Variants in MAST4 observed in about 807,000 individuals in gnomAD.
The protein encoded by MAST4 is microtubule associated serine/threonine kinase family member 4.
Under a neutral mutation model 162.7 loss-of-function variants are expected in MAST4, and 89 were observed. The observed-to-expected ratio is 0.55, with a 90% confidence interval of 0.46 to 0.65. MAST4 has a LOEUF of 0.65. Ranked by LOEUF, MAST4 falls within the 30% of genes least tolerant of loss-of-function variation. The pLI, the probability that MAST4 is intolerant of heterozygous loss-of-function variation, is 0.00. For missense variants in MAST4, 3,153 were observed against 3,374.0 expected (o/e 0.93, Z 1.62); for synonymous variants, 1,479 against 1,361.1 (o/e 1.09, Z -1.91).
intron 5 of MAST4, among the ~76,000 whole-genome samples, chr5:67,057,603 AAAG>A (rs796299222): frequency 2.7e-5 from 4 of 149,858 alleles, no homozygotes; most frequent in Non-Finnish European, 5.9e-5. Flanking sequence ...AAAAAAAAAA[AAAG>A]AAGGAAAGAA....
At chr5:66,994,111 A>T (rs1043362710) in intron 4 of MAST4, among the ~76,000 whole-genome samples, 2 of 152,164 alleles carry the variant, frequency 1.3e-5, no homozygotes, top group African/African-American at 4.8e-5. Context: ...GAATGGTTTC[A>T]CATTGACAGT....
intron 3 of MAST4, among the ~76,000 whole-genome samples, chr5:66,858,246 C>T (rs1441969552): frequency 2.8e-4 from 43 of 152,180 alleles, no homozygotes; most frequent in Admixed American, 2.7e-3. Flanking sequence ...CTCAAGTGAT[C>T]CTCCCGCCTC....
At chr5:66,929,355 G>A (rs960333823) in intron 4 of MAST4, among the ~76,000 whole-genome samples, 4 of 152,040 alleles carry the variant, frequency 2.6e-5, no homozygotes, top group South Asian at 2.1e-4. Context: ...TTCTGTCTGG[G>A]CCACCATCTG....
intron 1 of MAST4, among the ~76,000 whole-genome samples, chr5:66,729,059 C>T (rs943702457): frequency 1.3e-5 from 2 of 152,058 alleles, no homozygotes; most frequent in East Asian, 1.9e-4. Context: ...AGCAAAACCA[C>T]GTAATAGTGA....
At chr5:66,870,544 T>G (rs1760852612) in intron 3 of MAST4, among the ~76,000 whole-genome samples, 1 of 152,242 alleles carries the variant, frequency 6.6e-6, no homozygotes, top group Non-Finnish European at 1.5e-5. Flanking sequence ...TGTTTGTGAC[T>G]TTATTACACA....
At chr5:67,088,118 A>G (rs1182880955) in intron 5 of MAST4, among the ~76,000 whole-genome samples, 1 of 152,204 alleles carries the variant, frequency 6.6e-6, no homozygotes, top group Non-Finnish European at 1.5e-5. Context: ...AATATCCCTA[A>G]AAGTGAAAAG....
At chr5:67,089,651 T>G (rs1763618730) in intron 5 of MAST4, among the ~76,000 whole-genome samples, 1 of 152,206 alleles carries the variant, frequency 6.6e-6, no homozygotes, top group South Asian at 2.1e-4. Context: ...TTCTGACACA[T>G]CCACCTTTAA....
chr5:66,883,432 T>G (rs1036575129), intron 3 of MAST4, among the ~76,000 whole-genome samples: 4 of 145,494 alleles, frequency 2.7e-5, no homozygotes, highest in African/African-American at 7.9e-5. Flanking sequence ...GTTTTTTTTT[T>G]TTTTTTTTTT....
At chr5:67,083,349 A>G (rs1168724368) in intron 5 of MAST4, among the ~76,000 whole-genome samples, 1 of 152,168 alleles carries the variant, frequency 6.6e-6, no homozygotes, top group Non-Finnish European at 1.5e-5. Context: ...GCATTTGTTA[A>G]ATGGGGCCAC....
intron 4 of MAST4, among the ~76,000 whole-genome samples, chr5:66,994,171 T>A (rs1400050133): frequency 6.6e-6 from 1 of 151,964 alleles, no homozygotes; most frequent in Non-Finnish European, 1.5e-5. Context: ...ACACAAGAGA[T>A]CGTGGAAGCC....
intron 1 of MAST4, among the ~76,000 whole-genome samples, chr5:66,755,797 CTG>C (rs1208371245): frequency 4.3e-5 from 6 of 140,100 alleles, no homozygotes; most frequent in African/African-American, 1.2e-4. Flanking sequence ...TAAATCTACT[CTG>C]TGATTTTCAA....
chr5:67,057,648 G>T (rs1759017446), intron 5 of MAST4, among the ~76,000 whole-genome samples: 1 of 136,688 alleles, frequency 7.3e-6, no homozygotes, highest in African/African-American at 2.6e-5. Context: ...GAAAATCACA[G>T]GCTCTTATGT....
chr5:67,015,194 G>A (rs1753131296), intron 4 of MAST4, among the ~76,000 whole-genome samples: 1 of 152,008 alleles, frequency 6.6e-6, no homozygotes, highest in African/African-American at 2.4e-5. Flanking sequence ...ACTTATTTTG[G>A]CATTAAGGAA....
chr5:67,087,440 TCTAA>T (rs1477020975), intron 5 of MAST4, among the ~76,000 whole-genome samples: 1 of 152,156 alleles, frequency 6.6e-6, no homozygotes, highest in African/African-American at 2.4e-5. Flanking sequence ...TCTTAAAGCC[TCTAA>T]CTAATCAGTA....
intron 1 of MAST4, among the ~76,000 whole-genome samples, chr5:66,681,925 G>A (rs185053983): frequency 6.6e-6 from 1 of 152,278 alleles, no homozygotes; most frequent in South Asian, 2.1e-4. Context: ...GGCTTATTTG[G>A]GGGGTGGGTG....
chr5:66,862,715 C>T (rs1355551978), intron 3 of MAST4, among the ~76,000 whole-genome samples: 2 of 152,170 alleles, frequency 1.3e-5, no homozygotes, highest in African/African-American at 2.4e-5. Context: ...TGAATTTACT[C>T]GTCTATAAAA....
At chr5:66,792,954 G>A (rs747160534) in intron 3 of MAST4, among the ~76,000 whole-genome samples, 1 of 152,126 alleles carries the variant, frequency 6.6e-6, no homozygotes, top group Non-Finnish European at 1.5e-5. Context: ...ACAGTTCCGT[G>A]CCCAATTGCA....
intron 9 of MAST4, among the ~76,000 whole-genome samples, chr5:67,103,982 G>A (rs1022311675): frequency 6.6e-6 from 1 of 152,186 alleles, no homozygotes; most frequent in Non-Finnish European, 1.5e-5. Context: ...TTTCACTTAT[G>A]TACCCTCAGA....
chr5:66,615,164 G>A (rs192658069), intron 1 of MAST4, among the ~76,000 whole-genome samples: 7 of 152,198 alleles, frequency 4.6e-5, no homozygotes, highest in African/African-American at 1.7e-4. Context: ...TGTTTTGAGG[G>A]AAGAGAGAGA....
Sources: gnomAD v4.1 joint callset for allele counts (sites outside exome capture counted in the v4.1 genomes callset) on GRCh38, gnomAD v4.1.1 for gene constraint, MANE v1.5 for transcripts, NCBI Gene and HGNC (gene_info 2026-07-23, HGNC 2026-07-21) for gene names.